Variants in MON2 observed in about 807,000 individuals in gnomAD.
MON2 encodes the protein MON2 regulator of endosome-to-Golgi trafficking.
MON2 carries 84 observed loss-of-function variants against 208.6 expected under a neutral mutation model. The observed-to-expected ratio is 0.40, with a 90% confidence interval of 0.34 to 0.48. The LOEUF (loss-of-function observed/expected upper bound fraction) is 0.48, where lower values mean the gene tolerates loss of function less well. Among genes scored for constraint, MON2 ranks in the 20% least tolerant of loss-of-function variants. The probability of loss-of-function intolerance (pLI) is 0.59; values close to 1 mark genes in which losing one functional copy is unlikely to be tolerated. For synonymous variants in MON2, 660 were observed against 694.0 expected (o/e 0.95, Z 0.77); for missense variants, 1,611 against 2,015.4 (o/e 0.80, Z 3.84).
At position 62,557,475 on chromosome 12, in the gene MON2, A is replaced by G. The variant is rs139769245; in HGVS notation, c.3409+1283A>G. On this transcript the variant is annotated intron_variant, in intron 25 of 34. Coordinates refer to ENST00000393630, the MANE Select transcript of MON2 (RefSeq NM_015026.3). ...AAGAATTATACAACCAGAAATGTCA[A>G]TGGACTAAGACTGAGAAACCTGGTT... is the stretch of plus-strand genomic sequence containing the variant. 2.6e-3 allele frequency among the ~76,000 whole-genome samples: 397 copies of G among 152,346 alleles called. 4 individuals carry two copies. The highest frequency in any genetic ancestry group is 9.0e-3 in the African/African-American group (373 of 41,572).
rs923436014 is a variant in MON2, at chr12:62,494,096, A to G, written c.303+54A>G. ...CCTAAGAGTTGAATCAGAAGTTTTC[A>G]TGAAAGGAGAATGAAACATACCTGA... On this transcript the variant is annotated intron_variant, in intron 3 of 34. Transcript: ENST00000393630. 41 of 1,493,032 alleles carry G rather than the reference A, an allele frequency of 2.7e-5. No individual in the cohort carries two copies. In the African/African-American group the frequency reaches 5.0e-4, roughly 18 times the overall value. The allele number at this position is 1,493,032 out of a possible 1,614,324, so 92.5% of individuals were successfully genotyped here.
intron 26 of MON2, among the ~76,000 whole-genome samples, chr12:62,562,327 G>T (rs1423498642): frequency 2.0e-5 from 3 of 150,850 alleles, no homozygotes; most frequent in Non-Finnish European, 4.4e-5. Context: ...AGAAAAAAAT[G>T]TAAGTTTTAT....
chr12:62,495,750 A>C (rs571737370), intron 4 of MON2, among the ~76,000 whole-genome samples: 2 of 151,018 alleles, frequency 1.3e-5, no homozygotes, highest in Non-Finnish European at 3.0e-5. Flanking sequence ...TCCCTGTGAT[A>C]GCTCTCCCTA....
At chr12:62,472,523 T>C (rs2068845752) in intron 1 of MON2, among the ~76,000 whole-genome samples, 1 of 152,238 alleles carries the variant, frequency 6.6e-6, no homozygotes, top group Admixed American at 6.5e-5. Flanking sequence ...TCAGGCCTAA[T>C]AGAAATTGGC....
intron 7 of MON2, 37 bp from the exon 8 acceptor site, chr12:62,508,249 T>C: frequency 1.3e-6 from 2 of 1,513,572 alleles, no homozygotes; most frequent in South Asian, 1.2e-5. Context: ...ACAAATAAAG[T>C]TAATTATTTT....
intron 5 of MON2, among the ~76,000 whole-genome samples, chr12:62,499,936 G>A (rs1373168953): frequency 6.6e-6 from 1 of 151,580 alleles, no homozygotes; most frequent in African/African-American, 2.4e-5. Flanking sequence ...TTTCCACTTT[G>A]GTATATTGTT....
chr12:62,579,745 A>G (rs1294563912), intron 31 of MON2, among the ~76,000 whole-genome samples: 1 of 152,136 alleles, frequency 6.6e-6, no homozygotes, highest in Non-Finnish European at 1.5e-5. Context: ...AAATAAATAA[A>G]ATATACATTT....
chr12:62,580,458 T>C, intron 32 of MON2, 38 bp downstream of exon 32: 1 of 1,521,636 alleles, frequency 6.6e-7, no homozygotes, highest in Non-Finnish European at 9.0e-7. Flanking sequence ...AGTATTGAAG[T>C]ACTTTTGAAG....
At chr12:62,497,639 G>A (rs1171212819) in intron 4 of MON2, among the ~76,000 whole-genome samples, 1 of 151,828 alleles carries the variant, frequency 6.6e-6, no homozygotes, top group African/African-American at 2.4e-5. Context: ...TTTTGAGATA[G>A]TGTCTTGCTC....
chr12:62,556,926 A>T (rs903626280), intron 25 of MON2, among the ~76,000 whole-genome samples: 18 of 152,116 alleles, frequency 1.2e-4, no homozygotes, highest in Admixed American at 9.8e-4. Flanking sequence ...AATTTTTTTA[A>T]AATAAAAAAT....
At chr12:62,570,736 T>C (rs1393128544) in intron 29 of MON2, among the ~76,000 whole-genome samples, 1 of 134,354 alleles carries the variant, frequency 7.4e-6, no homozygotes, top group Non-Finnish European at 1.6e-5. Context: ...TTTTTTTTTT[T>C]TTTTTTTTTT....
chr12:62,561,586 G>A (rs2074199481), intron 26 of MON2, among the ~76,000 whole-genome samples: 1 of 151,884 alleles, frequency 6.6e-6, no homozygotes, highest in African/African-American at 2.4e-5. Flanking sequence ...TATTTTTACT[G>A]TGTGTATTTT....
chr12:62,520,640 A>G (rs968564319), intron 8 of MON2, among the ~76,000 whole-genome samples: 5 of 151,918 alleles, frequency 3.3e-5, no homozygotes. Flanking sequence ...GAACATTAAA[A>G]AGGCATGTAC....
chr12:62,510,265 G>T (rs2071325361), intron 8 of MON2, among the ~76,000 whole-genome samples: 1 of 151,912 alleles, frequency 6.6e-6, no homozygotes, highest in Non-Finnish European at 1.5e-5. Flanking sequence ...AATTGAAGAG[G>T]AGAGAAAACT....
rs766010591 is a variant in MON2 at position 62,499,003 on chromosome 12, A to T, written c.520A>T (p.Thr174Ser). 1.2e-6 allele frequency: 2 copies of T among 1,613,520 alleles called. No homozygotes were observed. The highest frequency in any genetic ancestry group is 3.3e-5 in the Admixed American group (2 of 59,912). Residue 174 changes from threonine to serine, a missense_variant, in exon 5 of 35, where the codon ACT (threonine) becomes TCT (serine). By Grantham distance (58) the Thr-to-Ser change is moderately conservative. Coordinates refer to ENST00000393630, the MANE Select transcript of MON2 (RefSeq NM_015026.3). ...TGCTGCTACAGTGCGACAAGTTGTT[A>T]CTGTTGTTTTTGAGAGGATGGTTGC... ...TAAATVRQVV[T>S]VVFERMVAED...
intron 8 of MON2, among the ~76,000 whole-genome samples, chr12:62,517,420 G>T (rs1398552667): frequency 6.6e-6 from 1 of 151,926 alleles, no homozygotes; most frequent in East Asian, 1.9e-4. Flanking sequence ...GATGCTATGG[G>T]TTGAACTATA....
Position 62,501,192 on chromosome 12 carries a change from G to A in MON2, c.663+312G>A, listed in dbSNP as rs1259417071. Among the ~76,000 whole-genome samples, 4 of 152,050 alleles carry A rather than the reference G, an allele frequency of 2.6e-5. No homozygotes were observed. The East Asian group carries it at 7.7e-4, about 29-fold the overall frequency. Reference sequence around the variant, plus strand: ...TTAAGTAATAAATTTGGTCTGTGTAGTATAATTTGATACATAGATACCTGA... The same window carrying A: ...TTAAGTAATAAATTTGGTCTGTGTAATATAATTTGATACATAGATACCTGA... On this transcript the variant is annotated intron_variant, in intron 6 of 34. Coordinates refer to ENST00000393630, the MANE Select transcript of MON2 (RefSeq NM_015026.3).
chr12:62,529,391 T>C (rs1335493178), intron 11 of MON2, among the ~76,000 whole-genome samples: 1 of 152,130 alleles, frequency 6.6e-6, no homozygotes, highest in East Asian at 1.9e-4. Flanking sequence ...AGGCTAAGAG[T>C]ATTTGCTCAG....
At chr12:62,501,793 A>C in intron 7 of MON2, 95 bp downstream of exon 7, 1 of 1,377,294 alleles carries the variant, frequency 7.3e-7, no homozygotes, top group East Asian at 2.4e-5. Context: ...CCACCTTAAA[A>C]GTGGCAAAGA....
Sources: gnomAD v4.1 joint callset for allele counts (sites outside exome capture counted in the v4.1 genomes callset) on GRCh38, gnomAD v4.1.1 for gene constraint, MANE v1.5 for transcripts, NCBI Gene and HGNC (gene_info 2026-07-23, HGNC 2026-07-21) for gene names.